The following PER2 variants were observed in gnomAD, a reference collection of about 807,000 sequenced individuals.
PER2 encodes the protein period circadian protein homolog 2.
PER2 carries 66 observed loss-of-function variants against 121.0 expected under a neutral mutation model. The ratio of observed to expected loss-of-function variants is 0.55; its 90% CI spans 0.45 to 0.67. The LOEUF (loss-of-function observed/expected upper bound fraction) is 0.67. Ranked by LOEUF, PER2 falls within the 30% of genes least tolerant of loss-of-function variation. PER2 has a pLI of 0.00. For missense variants in PER2, 1,521 were observed against 1,635.0 expected, an observed-to-expected ratio of 0.93 and a Z score of 1.20; for synonymous variants, 684 against 659.9, an observed-to-expected ratio of 1.04 and a Z score of -0.56.
rs1352346722 is a variant in PER2 at position 238,277,167 on chromosome 2, G to A, written c.257C>T (p.Ala86Val). Residue 86 changes from alanine (A) to valine (V), a missense_variant, in exon 3 of 23, where the codon GCA becomes GTA. Physicochemically the swap from Ala to Val is moderately conservative, Grantham distance 64. Transcript: ENST00000254657. ...QSPDTFSLMM[A>V]KSEHNPSTSG... ...TGTAGATGGGTTGTGTTCAGATTTT[G>A]CCATCATCAGGCTAAAGGTATCTGG... The A allele has an allele frequency of 3.7e-6, 6 of 1,613,060 alleles. No individual in the cohort carries two copies. The highest frequency in any genetic ancestry group is 5.1e-6 in the Non-Finnish European group (6 of 1,179,132).
chr2:238,259,955 A>ATT lies in PER2; in HGVS notation c.1627+12_1627+13dup. ...TAGTTTCAGTAAGGAAATGTTGAAT[A>ATT]TTTTTTTTTTTACCTGTAACGGATT... is the stretch of plus-strand genomic sequence containing the variant. On this transcript the variant is annotated intron_variant, in intron 14 of 22. Coordinates refer to ENST00000254657, the MANE Select transcript of PER2 (RefSeq NM_022817.3). 1.0e-5 allele frequency: 10 copies of ATT among 1,001,032 alleles called. No homozygotes were observed. Among genetic ancestry groups the ATT allele is most frequent in the Non-Finnish European group, 1.5e-5 (10 of 673,846 alleles). 62.0% of individuals were successfully genotyped at this position (1,001,032 alleles called of 1,614,324 possible).
intron 21 of PER2, among the ~76,000 whole-genome samples, chr2:238,249,813 T>C (rs976408475): frequency 4.6e-5 from 7 of 152,236 alleles, no homozygotes; most frequent in African/African-American, 1.7e-4. Context: ...CTCCTTCGCT[T>C]GTGCTCTTTT....
chr2:238,269,670 T>C (rs544198240), intron 6 of PER2, among the ~76,000 whole-genome samples: 2 of 147,660 alleles, frequency 1.4e-5, no homozygotes, highest in South Asian at 4.3e-4. Flanking sequence ...GAACACACGG[T>C]GCACTGCTGC....
intron 20 of PER2, 68 bp downstream of exon 20, chr2:238,251,531 G>A: frequency 7.0e-7 from 1 of 1,436,558 alleles, no homozygotes; most frequent in Non-Finnish European, 9.8e-7. Flanking sequence ...AGGCCGGCCT[G>A]TGACTCTGGA....
the PER2 span, chr2:238,298,333 C>CA: frequency 6.6e-6 from 1 of 152,318 alleles, no homozygotes; most frequent in Non-Finnish European, 1.5e-5. Flanking sequence ...CGCGCCCGGC[C>CA]AAAGCTTTTG....
chr2:238,251,334 G>A (rs1038250779), intron 20 of PER2, among the ~76,000 whole-genome samples: 2 of 152,218 alleles, frequency 1.3e-5, no homozygotes, highest in Non-Finnish European at 2.9e-5. Flanking sequence ...GGAGTCAGAG[G>A]GCTGGTCCCA....
Position 238,271,337 on chromosome 2 carries a change from G to C in PER2, c.747C>G (p.Pro249=). 6.2e-7 allele frequency: 1 copy of C among 1,614,118 alleles called. No homozygotes were observed. Among genetic ancestry groups the C allele is most frequent in the Non-Finnish European group, 8.5e-7 (1 of 1,179,984 alleles). ...FHSFTSPYKL[P]LWSMCSGADS... is the part of the protein sequence containing the mutation. ...CTGCTCCACTGCACATGCTCCACAA[G>C]GGAAGCTTGTACGGGGAGGTGAAAC... is the stretch of plus-strand genomic sequence containing the variant. The change falls in exon 6 of 23, where the codon CCC becomes CCG. Residue 249 remains proline, a synonymous_variant. Transcript: ENST00000254657.
chr2:238,276,455 C>G (rs1351677932), intron 3 of PER2, among the ~76,000 whole-genome samples: 1 of 152,200 alleles, frequency 6.6e-6, no homozygotes, highest in African/African-American at 2.4e-5. Context: ...ACTGGTCGAC[C>G]CATAGTCTGG....
In PER2 at chr2:238,246,541, A is replaced by G. The variant is rs1348622389; in HGVS notation, c.3619-17T>C. Reference sequence around the variant, plus strand: ...AACACATTCCTTAAAAGAAAAAAAAAGAGAAATCAGTAACAAACTTGAGAT... The same window carrying G: ...AACACATTCCTTAAAAGAAAAAAAAGGAGAAATCAGTAACAAACTTGAGAT... On this transcript the variant is annotated splice_polypyrimidine_tract_variant and intron_variant, in intron 22 of 22. Transcript: ENST00000254657. The G allele has an allele frequency of 2.0e-6, 3 of 1,530,702 alleles. No individual in the cohort carries two copies. Among genetic ancestry groups the G allele is most frequent in the Non-Finnish European group, 2.7e-6 (3 of 1,106,398 alleles). 94.8% of individuals were successfully genotyped at this position (1,530,702 alleles called of 1,614,324 possible). A position where few individuals can be genotyped will look rare whatever the true frequency, so the allele number is the denominator to read the frequency against.
At chr2:238,288,640 T>C (rs1179769612), upstream of PER2, 1 of 150,016 alleles carries the variant, frequency 6.7e-6, no homozygotes, top group Non-Finnish European at 1.5e-5. Context: ...GCCGCGCCAC[T>C]TACCGCCGGC....
Position 238,259,993 on chromosome 2 carries a change from C to G in PER2, c.1603G>C (p.Glu535Gln), listed in dbSNP as rs1321949139. The G allele has an allele frequency of 6.7e-7, 1 of 1,486,768 alleles. No homozygotes were observed. Among genetic ancestry groups the G allele is most frequent in the Non-Finnish European group, 9.3e-7 (1 of 1,070,382 alleles). The allele number at this position is 1,486,768 out of a possible 1,614,324, so 92.1% of individuals were successfully genotyped here. A position where few individuals can be genotyped will look rare whatever the true frequency, so the allele number is the denominator to read the frequency against. The change falls in exon 14 of 23, where the codon GAA (glutamate) becomes CAA (glutamine). Residue 535 changes from glutamate (E) to glutamine (Q), a missense_variant. Transcript: ENST00000254657. ...NRSHYSHESG[E>Q]QKKKSVTEMQ... Reference sequence around the variant, plus strand: ...CCTGTAACGGATTTTTTCTTTTGTTCTCCAGATTCATGAGAATAATGACTT... The same window carrying G: ...CCTGTAACGGATTTTTTCTTTTGTTGTCCAGATTCATGAGAATAATGACTT...
In PER2 at chr2:238,252,036, A is replaced by G. The variant is rs1025842621; in HGVS notation, c.3112-275T>C. ...CGGCAATACCTGGGCTCCAGGGGGG[A>G]AAGCCTCAGGCTGCTCCTTGGCCAC... On this transcript the variant is annotated intron_variant, in intron 19 of 22. Transcript: ENST00000254657. This position sits in a 1 kb window ranked among gnomAD's most constrained non-coding sequence, Gnocchi z 4.2. Among the ~76,000 whole-genome samples, 1 of 152,074 alleles carries G rather than the reference A, an allele frequency of 6.6e-6. No homozygotes were observed. The highest frequency in any genetic ancestry group is 2.1e-4 in the South Asian group (1 of 4,834).
At chr2:238,272,978 G>A in intron 5 of PER2, 92 bp downstream of exon 5, 2 of 1,184,776 alleles carry the variant, frequency 1.7e-6, no homozygotes, top group East Asian at 4.7e-5. Context: ...AAACACTCCT[G>A]CCTTACAGCC....
At chr2:238,283,429 A>C (rs1195669791) in intron 1 of PER2, among the ~76,000 whole-genome samples, 1 of 152,212 alleles carries the variant, frequency 6.6e-6, no homozygotes, top group East Asian at 1.9e-4. Context: ...TCCATTCTCA[A>C]GAGAGCCTGA....
At chr2:238,294,989 C>G (rs891758987), upstream of PER2, among the ~76,000 whole-genome samples, 1 of 152,222 alleles carries the variant, frequency 6.6e-6, no homozygotes, top group South Asian at 2.1e-4. Flanking sequence ...AGCCCACCAG[C>G]GATGCCAGCT....
the PER2 span, among the ~76,000 whole-genome samples, chr2:238,297,866 GCATTGGCGTT>G: frequency 6.6e-6 from 1 of 152,138 alleles, no homozygotes; most frequent in Non-Finnish European, 1.5e-5. Flanking sequence ...ATGGACCAGG[GCATTGGCGTT>G]CACAAGCTGC....
chr2:238,266,773 C>T (rs1696125512), intron 8 of PER2, among the ~76,000 whole-genome samples: 1 of 152,170 alleles, frequency 6.6e-6, no homozygotes, highest in Non-Finnish European at 1.5e-5. Flanking sequence ...CGCGGTGGCT[C>T]GCGCCTGTAA....
chr2:238,285,603 T>A (rs1276351081), intron 1 of PER2, among the ~76,000 whole-genome samples: 1 of 152,166 alleles, frequency 6.6e-6, no homozygotes, highest in African/African-American at 2.4e-5. Flanking sequence ...CAGTGTTCAA[T>A]CACCAGAGGA....
Position 238,262,265 on chromosome 2 carries a change from G to A in PER2, c.1233C>T (p.Asp411=). 6.2e-7 allele frequency: 1 copy of A among 1,613,982 alleles called. No individual in the cohort carries two copies. Among genetic ancestry groups the A allele is most frequent in the Non-Finnish European group, 8.5e-7 (1 of 1,179,920 alleles). Reference sequence around the variant, plus strand: ...GGTTGATGAAGCTGGACCAGCTGGTGTCCAACGTGATGTACTCTCCGTTCC... The same window carrying A: ...GGTTGATGAAGCTGGACCAGCTGGTATCCAACGTGATGTACTCTCCGTTCC... The part of the protein sequence containing the change: ...RARNGEYITL[D]TSWSSFINPW... The change falls in exon 11 of 23, where the codon GAC becomes GAT. Residue 411 remains aspartate (D), a synonymous_variant. Transcript: ENST00000254657.
Sources: allele counts gnomAD v4.1 joint callset (sites outside exome capture counted in the v4.1 genomes callset), GRCh38; gene constraint gnomAD v4.1.1; non-coding constraint Gnocchi (gnomAD v3.1); transcripts MANE v1.5; gene names NCBI Gene and HGNC (gene_info 2026-07-23, HGNC 2026-07-21).